Variants in TNIP1 observed in about 807,000 individuals in gnomAD.
TNIP1 encodes TNFAIP3 interacting protein 1, also known as TNFAIP3-interacting protein 1.
TNIP1 carries 22 observed loss-of-function variants against 86.6 expected under a neutral mutation model. That is an observed-to-expected ratio of 0.25 (90% confidence interval 0.18 to 0.36). TNIP1 has a LOEUF of 0.36. Ranked by LOEUF, TNIP1 falls within the 10% of genes least tolerant of loss-of-function variation. TNIP1 has a pLI of 1.00. For missense variants in TNIP1, 709 were observed against 820.6 expected, an observed-to-expected ratio of 0.86 and a Z score of 1.66; for synonymous variants, 294 against 313.0, an observed-to-expected ratio of 0.94 and a Z score of 0.64.
chr5:151,072,790 T>C (rs972845609), intron 1 of TNIP1, among the ~76,000 whole-genome samples: 10 of 152,124 alleles, frequency 6.6e-5, no homozygotes, highest in African/African-American at 2.4e-4. Flanking sequence ...CCCTTTTAGG[T>C]AGTATATTCC....
At chr5:151,065,578 G>A (rs767793021) in intron 1 of TNIP1, among the ~76,000 whole-genome samples, 7 of 152,164 alleles carry the variant, frequency 4.6e-5, no homozygotes, top group Non-Finnish European at 8.8e-5. Context: ...TAATGGTCTA[G>A]GCATTAATTT....
intron 3 of TNIP1, 89 bp downstream of exon 3, chr5:151,063,524 G>C: frequency 6.5e-7 from 1 of 1,539,200 alleles, no homozygotes; most frequent in East Asian, 2.3e-5. Context: ...AGAGAATGTG[G>C]GTTTTGGCAT....
intron 7 of TNIP1, among the ~76,000 whole-genome samples, 165 bp from the exon 8 acceptor site, chr5:151,050,112 C>T (rs1759713529): frequency 6.6e-6 from 1 of 152,202 alleles, no homozygotes; most frequent in Non-Finnish European, 1.5e-5. Flanking sequence ...TCTTCAGCTA[C>T]CTTGCTCTCA....
chr5:151,082,569 A>AC (rs532315784), upstream of TNIP1, among the ~76,000 whole-genome samples: 14 of 141,980 alleles, frequency 9.9e-5, no homozygotes, highest in Non-Finnish European at 2.0e-4. Flanking sequence ...CTCCACCCCC[A>AC]CCCTCTACCC....
chr5:151,032,225 A>G, intron 17 of TNIP1, 62 bp downstream of exon 17: 3 of 1,416,412 alleles, frequency 2.1e-6, no homozygotes, highest in Non-Finnish European at 9.8e-7. Flanking sequence ...AACTCAGGCA[A>G]TGCTGGCAGA....
intron 5 of TNIP1, among the ~76,000 whole-genome samples, chr5:151,059,911 T>C (rs1761324639): frequency 6.9e-6 from 1 of 145,866 alleles, no homozygotes; most frequent in Non-Finnish European, 1.5e-5. Flanking sequence ...TTGAACCTCC[T>C]TCCTGTGTGC....
At chr5:151,061,906 G>T (rs1160945883) in intron 4 of TNIP1, among the ~76,000 whole-genome samples, 1 of 152,178 alleles carries the variant, frequency 6.6e-6, no homozygotes, top group African/African-American at 2.4e-5. Flanking sequence ...AGAATTCCTT[G>T]TACATACCAG....
At position 151,033,589 on chromosome 5, in the gene TNIP1, G is replaced by T; in HGVS notation, c.1779+19C>A. 1 of 1,422,320 alleles carries T rather than the reference G, an allele frequency of 7.0e-7. No homozygotes were observed. Among genetic ancestry groups the T allele is most frequent in the Non-Finnish European group, 9.3e-7 (1 of 1,074,648 alleles). The allele number at this position is 1,422,320 out of a possible 1,614,324, so 88.1% of individuals were successfully genotyped here. On this transcript the variant is annotated intron_variant, in intron 16 of 17. Transcript: ENST00000521591. Reference sequence around the variant, plus strand: ...AGCCTCTGTGTGTGCCCTGGAGCAAGGGAGGGACACAGACTCACCAGATGG... The same window carrying T: ...AGCCTCTGTGTGTGCCCTGGAGCAATGGAGGGACACAGACTCACCAGATGG...
At chr5:151,063,171 C>T (rs1761800205) in intron 3 of TNIP1, among the ~76,000 whole-genome samples, 1 of 152,208 alleles carries the variant, frequency 6.6e-6, no homozygotes, top group Non-Finnish European at 1.5e-5. Context: ...TTCCCTGGGC[C>T]TCAGCTTCCC....
At chr5:151,031,342 C>T (rs912172185) in intron 17 of TNIP1, among the ~76,000 whole-genome samples, 14 of 152,172 alleles carry the variant, frequency 9.2e-5, no homozygotes, top group African/African-American at 3.4e-4. Context: ...CTTCATGTTG[C>T]GATGGACTTG....
chr5:151,063,573 G>A (rs1252744236), intron 3 of TNIP1, 40 bp downstream of exon 3: 1 of 1,602,880 alleles, frequency 6.2e-7, no homozygotes, highest in Non-Finnish European at 8.5e-7. Context: ...GGCAGTTTGG[G>A]GTACAGGGAG....
At chr5:151,031,302 A>G (rs1197194573) in intron 17 of TNIP1, among the ~76,000 whole-genome samples, 1 of 152,200 alleles carries the variant, frequency 6.6e-6, no homozygotes, top group Non-Finnish European at 1.5e-5. Context: ...CCATTTCTGC[A>G]CAACTGTGTC....
rs771271873 is a variant in TNIP1 at position 151,039,064 on chromosome 5, G to A, written c.1263+33C>T. On this transcript the variant is annotated intron_variant, in intron 12 of 17. Coordinates refer to ENST00000521591, the MANE Select transcript of TNIP1 (RefSeq NM_006058.5). ...GGGCATTGCAGCTGGACTCAAGGGA[G>A]CCCAGCCAAGGGACCCGGGCCAAGG... 5.6e-6 allele frequency: 9 copies of A among 1,601,148 alleles called. No individual in the cohort carries two copies. The African/African-American group carries it at 8.0e-5, about 14-fold the overall frequency.
chr5:151,079,195 C>T (rs1008194621), intron 1 of TNIP1, among the ~76,000 whole-genome samples: 9 of 152,136 alleles, frequency 5.9e-5, no homozygotes, highest in Admixed American at 3.9e-4. Context: ...ATTATTTTCC[C>T]GGGACACAGC....
intron 9 of TNIP1, among the ~76,000 whole-genome samples, chr5:151,044,846 T>C (rs1758931730): frequency 6.6e-6 from 1 of 152,168 alleles, no homozygotes; most frequent in Non-Finnish European, 1.5e-5. Context: ...CTCTGCTGCG[T>C]GGCTTCTCTC....
chr5:151,059,679 T>G (rs1482016348), intron 5 of TNIP1, among the ~76,000 whole-genome samples: 1 of 152,030 alleles, frequency 6.6e-6, no homozygotes, highest in Non-Finnish European at 1.5e-5. Context: ...TCTGCCATTT[T>G]AAGAAAGAAC....
In TNIP1 at chr5:151,030,370, G is replaced by A. The variant is rs1756739809; in HGVS notation, c.*343C>T. 2 of 460,930 alleles carry A rather than the reference G, an allele frequency of 4.3e-6. No individual in the cohort carries two copies. Among genetic ancestry groups the A allele is most frequent in the Admixed American group, 6.7e-5 (2 of 29,952 alleles). 28.6% of individuals were successfully genotyped at this position (460,930 alleles called of 1,614,324 possible). A position where few individuals can be genotyped will look rare whatever the true frequency, so the allele number is the denominator to read the frequency against. On this transcript the variant is annotated 3_prime_UTR_variant, in exon 18 of 18. Coordinates refer to ENST00000521591, the MANE Select transcript of TNIP1 (RefSeq NM_006058.5). ...AAACCACTTCCGGGAGGTTTTGAAG[G>A]AAGGGGGTCTTGGCTGCCTCCCACT...
In TNIP1 at chr5:151,065,141, C is replaced by T. The variant is rs760533696; in HGVS notation, c.-36-10G>A. 20 of 1,596,864 alleles carry T rather than the reference C, an allele frequency of 1.3e-5. No individual in the cohort carries two copies. In the South Asian group the frequency reaches 2.1e-4, roughly 17 times the overall value. ...CGTGGTGCCCGCCTGGCTGTAAGGA[C>T]AACAGCAGCATATCAGCAGGCTGGC... On this transcript the variant is annotated splice_polypyrimidine_tract_variant and intron_variant, in intron 1 of 17. Transcript: ENST00000521591.
chr5:151,077,930 A>C (rs184678777), intron 1 of TNIP1, among the ~76,000 whole-genome samples: 39 of 152,346 alleles, frequency 2.6e-4, no homozygotes, highest in Non-Finnish European at 5.0e-4. Context: ...TATTGTGACT[A>C]GTCTACTAAG....
Sources: allele counts gnomAD v4.1 joint callset (sites outside exome capture counted in the v4.1 genomes callset), GRCh38; gene constraint gnomAD v4.1.1; transcripts MANE v1.5; gene names NCBI Gene and HGNC (gene_info 2026-07-23, HGNC 2026-07-21).